The following IL6R variants were observed in gnomAD, a reference collection of about 807,000 sequenced individuals.
IL6R encodes the protein interleukin 6 receptor.
Under a neutral mutation model 48.3 loss-of-function variants are expected in IL6R, and 38 were observed. The ratio of observed to expected loss-of-function variants is 0.79; its 90% CI spans 0.61 to 1.03. The LOEUF (loss-of-function observed/expected upper bound fraction) is 1.03. IL6R is among the 50% of genes least tolerant of loss of function. The pLI is 0.00. For synonymous variants in IL6R, 264 were observed against 256.2 expected, an observed-to-expected ratio of 1.03 and a Z score of -0.29; for missense variants, 534 against 618.3, an observed-to-expected ratio of 0.86 and a Z score of 1.45.
chr1:154,439,402 C>T (rs769444134), intron 6 of IL6R, among the ~76,000 whole-genome samples: 3 of 152,158 alleles, frequency 2.0e-5, no homozygotes, highest in Non-Finnish European at 4.4e-5. Context: ...GCAACCTCTG[C>T]CTCCCGGGTT....
chr1:154,455,502 G>A (rs1690823310), intron 9 of IL6R, among the ~76,000 whole-genome samples: 1 of 140,104 alleles, frequency 7.1e-6, no homozygotes, highest in Admixed American at 7.3e-5. Context: ...CGCCCAGGCT[G>A]GAGTGCAGTG....
chr1:154,451,724 C>T (rs570294091), intron 8 of IL6R, among the ~76,000 whole-genome samples: 223 of 151,962 alleles, frequency 1.5e-3, no homozygotes, highest in Non-Finnish European at 2.5e-3. Flanking sequence ...TTAGTAGAAA[C>T]GGGGTTTCTC....
chr1:154,462,922 G>A (rs1220887833), intron 9 of IL6R, among the ~76,000 whole-genome samples: 3 of 151,538 alleles, frequency 2.0e-5, no homozygotes, highest in East Asian at 1.9e-4. Flanking sequence ...ATTCTCCTGC[G>A]TCAGCCTCCC....
chr1:154,431,723 T>C (rs1689305639), intron 3 of IL6R, among the ~76,000 whole-genome samples: 2 of 152,090 alleles, frequency 1.3e-5, no homozygotes, highest in African/African-American at 4.8e-5. Flanking sequence ...TTTCTGACCA[T>C]GTGTTAGAAG....
chr1:154,433,851 G>T (rs761165805), intron 3 of IL6R, among the ~76,000 whole-genome samples: 15 of 151,852 alleles, frequency 9.9e-5, no homozygotes, highest in Non-Finnish European at 1.8e-4. Flanking sequence ...GAGTAACTGG[G>T]ACTACAGGCA....
chr1:154,458,003 G>A (rs1018348090), intron 9 of IL6R, among the ~76,000 whole-genome samples: 1 of 121,262 alleles, frequency 8.2e-6, no homozygotes, highest in African/African-American at 3.1e-5. Flanking sequence ...GTCTCGCTTT[G>A]TCGCCCAGGC....
chr1:154,434,473 G>A, intron 3 of IL6R, 46 bp from the exon 4 acceptor site: 3 of 1,563,630 alleles, frequency 1.9e-6, no homozygotes, highest in Non-Finnish European at 2.6e-6. Context: ...TCTTGAGTCT[G>A]TGCGAAACTG....
intron 1 of IL6R, among the ~76,000 whole-genome samples, chr1:154,415,625 C>T (rs1688296470): frequency 6.6e-6 from 1 of 152,120 alleles, no homozygotes; most frequent in African/African-American, 2.4e-5. Flanking sequence ...TAGAAACTGC[C>T]TGTATGTGTA....
intron 1 of IL6R, chr1:154,418,475 C>G (rs1168651227): frequency 1.1e-6 from 1 of 913,308 alleles, no homozygotes; most frequent in Non-Finnish European, 1.3e-6. Flanking sequence ...ACAAGAAGTA[C>G]AAATACATAT....
At chr1:154,425,742 T>G (rs1453592010) in intron 1 of IL6R, among the ~76,000 whole-genome samples, 1 of 147,570 alleles carries the variant, frequency 6.8e-6, no homozygotes, top group Non-Finnish European at 1.5e-5. Flanking sequence ...CCACTGTACT[T>G]CAGCCTGAGT....
chr1:154,461,421 G>A (rs147140395), intron 9 of IL6R, among the ~76,000 whole-genome samples: 2,040 of 152,306 alleles, frequency 0.013, 26 homozygotes, highest in Non-Finnish European at 0.02. Context: ...TGCCTTCCCA[G>A]ACACTGGCGT....
At chr1:154,443,249 A>G (rs1690035007) in intron 6 of IL6R, among the ~76,000 whole-genome samples, 1 of 152,214 alleles carries the variant, frequency 6.6e-6, no homozygotes, top group South Asian at 2.1e-4. Context: ...TGAAGCCAGG[A>G]CTGGGCGGTC....
intron 8 of IL6R, among the ~76,000 whole-genome samples, chr1:154,453,778 G>A (rs1690721772): frequency 6.6e-6 from 1 of 152,002 alleles, no homozygotes; most frequent in African/African-American, 2.4e-5. Context: ...CTTGGAGTGG[G>A]GTCAATTCTC....
chr1:154,429,964 TAGATAA>T (rs1298015729), intron 2 of IL6R, among the ~76,000 whole-genome samples: 1 of 152,124 alleles, frequency 6.6e-6, no homozygotes, highest in East Asian at 1.9e-4. Context: ...CCCTCATACC[TAGATAA>T]AGACTTCCTG....
chr1:154,427,109 AGG>A (rs1689021162), intron 1 of IL6R, among the ~76,000 whole-genome samples: 1 of 152,038 alleles, frequency 6.6e-6, no homozygotes, highest in African/African-American at 2.4e-5. Flanking sequence ...TAGTAGAGAC[AGG>A]GTTTCACCAT....
At chr1:154,416,004 A>G (rs1222779153) in intron 1 of IL6R, among the ~76,000 whole-genome samples, 1 of 152,222 alleles carries the variant, frequency 6.6e-6, no homozygotes, top group Non-Finnish European at 1.5e-5. Flanking sequence ...TAAAGTATAC[A>G]GATCAGTAGT....
rs773009253 is a variant in IL6R at position 154,436,047 on chromosome 1, G to C, written c.886G>C (p.Glu296Gln). The change falls in exon 6 of 10, where the codon GAG (glutamate) becomes CAG (glutamine). Residue 296 changes from glutamate to glutamine, a missense_variant. Glu to Gln is a conservative substitution (Grantham distance 29). Coordinates refer to ENST00000368485, the MANE Select transcript of IL6R (RefSeq NM_000565.4). ...GCACGTGGTGCAGCTTCGTGCCCAG[G>C]AGGAGTTCGGGCAAGGCGAGTGGAG... ...LRHVVQLRAQ[E>Q]EFGQGEWSEW... 6.2e-7 allele frequency: 1 copy of C among 1,613,202 alleles called. No homozygotes were observed. The highest frequency in any genetic ancestry group is 8.5e-7 in the Non-Finnish European group (1 of 1,179,632).
intron 9 of IL6R, among the ~76,000 whole-genome samples, chr1:154,463,635 A>G (rs1368729643): frequency 6.6e-6 from 1 of 152,180 alleles, no homozygotes; most frequent in African/African-American, 2.4e-5. Flanking sequence ...ACAAAGTGGG[A>G]AGCAAGAGGG....
intron 7 of IL6R, 58 bp downstream of exon 7, chr1:154,448,229 G>A: frequency 1.4e-6 from 2 of 1,423,266 alleles, no homozygotes; most frequent in Non-Finnish European, 2.0e-6. Context: ...TTAGGAGTGT[G>A]GGCTGATGCC....
Sources: gnomAD v4.1 joint callset for allele counts (sites outside exome capture counted in the v4.1 genomes callset) on GRCh38, gnomAD v4.1.1 for gene constraint, MANE v1.5 for transcripts, NCBI Gene and HGNC (gene_info 2026-07-23, HGNC 2026-07-21) for gene names.